TG: variants seen among roughly 807,000 people sequenced by gnomAD.
The protein encoded by TG is thyroid hormones.
In TG, 270 loss-of-function variants were observed where a neutral mutation model predicts 324.7. That is an observed-to-expected ratio of 0.83 (90% CI 0.75 to 0.92). The LOEUF is 0.92. Ranked by LOEUF, TG falls within the 40% of genes least tolerant of loss-of-function variation. TG has a pLI of 0.00. For missense variants in TG, 3,591 were observed against 3,456.4 expected (o/e 1.04, Z -0.98); for synonymous variants, 1,401 against 1,327.0 (o/e 1.06, Z -1.21).
Position 132,901,664 on chromosome 8 carries a change from A to T in TG, c.3634+111A>T, listed in dbSNP as rs780718468. 308 of 1,196,672 alleles carry T rather than the reference A, an allele frequency of 2.6e-4. 1 individual carries two copies. Among genetic ancestry groups the T allele is most frequent in the Non-Finnish European group, 3.4e-4 (295 of 859,310 alleles). The allele number at this position is 1,196,672 out of a possible 1,614,324, so 74.1% of individuals were successfully genotyped here. ...AGGCAGGGGTGGGAGGGGAGGCAGG[A>T]AGTGCAGGAGGGATGTAGTTGTGGT... On this transcript the variant is annotated intron_variant, in intron 16 of 47. Transcript: ENST00000220616.
intron 25 of TG, 69 bp downstream of exon 25, chr8:132,935,933 C>T: frequency 7.9e-7 from 1 of 1,269,756 alleles, no homozygotes; most frequent in Non-Finnish European, 1.1e-6. Flanking sequence ...AGCTGGTTTC[C>T]AGCAGGTGCA....
intron 32 of TG, among the ~76,000 whole-genome samples, chr8:132,970,132 C>T (rs1023112649): frequency 2.6e-5 from 4 of 151,882 alleles, no homozygotes; most frequent in Non-Finnish European, 5.9e-5. Context: ...ATTGTCAAAA[C>T]CTCACATTGC....
chr8:132,892,098 C>T (rs1268433282), intron 10 of TG, among the ~76,000 whole-genome samples: 4 of 152,210 alleles, frequency 2.6e-5, no homozygotes, highest in South Asian at 2.1e-4. Flanking sequence ...TATCCCTGGT[C>T]GCACAACTAA....
chr8:132,942,543 G>A (rs1194056012), intron 26 of TG, among the ~76,000 whole-genome samples: 2 of 152,152 alleles, frequency 1.3e-5, no homozygotes, highest in Non-Finnish European at 2.9e-5. Flanking sequence ...CCATATATGT[G>A]CAATGGAATG....
At chr8:132,948,707 G>C in intron 26 of TG, 69 bp from the exon 27 acceptor site, 1 of 1,533,762 alleles carries the variant, frequency 6.5e-7, no homozygotes, top group Non-Finnish European at 9.0e-7. Flanking sequence ...ATGCTCTCAG[G>C]GGACAGAGAA....
intron 41 of TG, among the ~76,000 whole-genome samples, chr8:133,067,375 C>G (rs1390122830): frequency 6.6e-6 from 1 of 152,192 alleles, no homozygotes; most frequent in African/African-American, 2.4e-5. Flanking sequence ...GGGGCACTGG[C>G]AAGACCTACA....
intron 17 of TG, 28 bp from the exon 18 acceptor site, chr8:132,908,158 T>C (rs780587198): frequency 1.2e-6 from 2 of 1,613,184 alleles, no homozygotes; most frequent in East Asian, 2.2e-5. Context: ...GCCCATTGCC[T>C]CTGCTGATCT....
intron 37 of TG, 25 bp from the exon 38 acceptor site, chr8:133,017,753 C>T (rs1835173484): frequency 1.2e-6 from 2 of 1,609,940 alleles, no homozygotes; most frequent in African/African-American, 2.7e-5. Flanking sequence ...CCTTCCTCAC[C>T]CCTTTCTCTT....
intron 20 of TG, among the ~76,000 whole-genome samples, chr8:132,915,344 G>C (rs1820140492): frequency 6.6e-6 from 1 of 152,174 alleles, no homozygotes; most frequent in East Asian, 1.9e-4. Context: ...CAACACACAG[G>C]TAAAATAAAG....
chr8:132,976,548 C>T (rs1830198236), intron 34 of TG, among the ~76,000 whole-genome samples: 1 of 152,188 alleles, frequency 6.6e-6, no homozygotes, highest in Non-Finnish European at 1.5e-5. Flanking sequence ...AGGCCCAGCT[C>T]CTGCAATCTC....
At chr8:133,032,266 C>G (rs749930209) in intron 41 of TG, among the ~76,000 whole-genome samples, 34 of 152,178 alleles carry the variant, frequency 2.2e-4, no homozygotes, top group Non-Finnish European at 3.5e-4. Flanking sequence ...TCTGTCCCTC[C>G]GAAGGTGATC....
intron 41 of TG, chr8:133,049,992 T>G (rs201728288): frequency 1.9e-5 from 30 of 1,601,564 alleles, no homozygotes; most frequent in Non-Finnish European, 2.6e-5. Context: ...CCCTTCACTG[T>G]AAGAACAAGA....
Position 133,045,161 on chromosome 8 carries a change from C to T in TG, c.7239+15138C>T, listed in dbSNP as rs372309629. The T allele has an allele frequency of 6.2e-6, 10 of 1,607,460 alleles. No homozygotes were observed. In the African/African-American group the frequency reaches 1.2e-4, roughly 19 times the overall value. On this transcript the variant is annotated intron_variant, in intron 41 of 47. Transcript: ENST00000220616. ...GTCAGTGGGCTCCACCTGTCCTCAC[C>T]CCAAGGCACCCAGCTAACCAGCCCA...
chr8:133,017,871 G>A lies in TG; in HGVS notation c.6656G>A (p.Gly2219Asp). Residue 2219 changes from glycine to aspartate, a missense_variant, in exon 38 of 48, where the codon GGT becomes GAT. Coordinates refer to ENST00000220616, the MANE Select transcript of TG (RefSeq NM_003235.5). ...LLGRSQAIQV[G>D]TSWKQVDQFL... is the part of the protein sequence containing the mutation. The stretch of plus-strand genomic sequence containing the variant: ...GGCAGGTCCCAGGCCATCCAGGTGG[G>A]TACCTCATGGAAGCAAGTGGACCAG... 6.2e-7 allele frequency: 1 copy of A among 1,614,164 alleles called. No homozygotes were observed. The highest frequency in any genetic ancestry group is 2.2e-5 in the East Asian group (1 of 44,868).
At chr8:132,978,017 A>G (rs1830386714) in intron 34 of TG, among the ~76,000 whole-genome samples, 1 of 152,262 alleles carries the variant, frequency 6.6e-6, no homozygotes, top group Non-Finnish European at 1.5e-5. Flanking sequence ...ACTGTATGTC[A>G]GACTGTGTTC....
intron 23 of TG, among the ~76,000 whole-genome samples, chr8:132,929,621 A>G (rs1198004494): frequency 3.4e-5 from 2 of 58,906 alleles, no homozygotes; most frequent in African/African-American, 6.2e-5. Flanking sequence ...AGACAAAAAT[A>G]GTTTTAAGAG....
At chr8:132,869,159 T>C (rs939569044) in intron 2 of TG, among the ~76,000 whole-genome samples, 4 of 152,204 alleles carry the variant, frequency 2.6e-5, no homozygotes, top group African/African-American at 9.6e-5. Flanking sequence ...GTTTCAAACC[T>C]GGCCTCTCTT....
At chr8:132,887,592 C>G (rs56981130) in intron 9 of TG, 44 bp downstream of exon 9, 2 of 1,613,490 alleles carry the variant, frequency 1.2e-6, no homozygotes, top group East Asian at 4.5e-5. Flanking sequence ...CTGAGTCTCT[C>G]TTTAGGCCCT....
chr8:132,921,573 A>G (rs1317527367), intron 21 of TG, among the ~76,000 whole-genome samples: 1 of 152,218 alleles, frequency 6.6e-6, no homozygotes, highest in Non-Finnish European at 1.5e-5. Flanking sequence ...GTTTTAAATA[A>G]TGCCAGATTA....
Sources: gnomAD v4.1 joint callset for allele counts (sites outside exome capture counted in the v4.1 genomes callset) on GRCh38, gnomAD v4.1.1 for gene constraint, MANE v1.5 for transcripts, NCBI Gene and HGNC (gene_info 2026-07-23, HGNC 2026-07-21) for gene names.